The following TLR5 variants were observed in gnomAD, a reference collection of about 807,000 sequenced individuals.
The protein encoded by TLR5 is toll-like receptor 5.
For synonymous variants in TLR5, 373 were observed against 384.4 expected, an observed-to-expected ratio of 0.97 and a Z score of 0.35; for missense variants, 944 against 999.8, an observed-to-expected ratio of 0.94 and a Z score of 0.75.
At chr1:223,125,007 G>A (rs1337426478) in intron 5 of TLR5, among the ~76,000 whole-genome samples, 1 of 152,180 alleles carries the variant, frequency 6.6e-6, no homozygotes, top group Non-Finnish European at 1.5e-5. Flanking sequence ...TGGAGAATGA[G>A]GTAGCTGACT....
chr1:223,122,834 A>G (rs771125293), intron 5 of TLR5, among the ~76,000 whole-genome samples: 11 of 152,288 alleles, frequency 7.2e-5, no homozygotes, highest in Admixed American at 2.0e-4. Flanking sequence ...GGATTTGCTG[A>G]CTTCCTGAGG....
rs752492771 is a variant in TLR5, at chr1:223,111,146, CAACCTTCCGTGGA to C, written c.1873_1885del (p.Ser625ValfsTer7). ...GGACTTTAAGACTTCCTCTTCATCA[CAACCTTCCGTGGA>C]AAGAGAGAAGAGGGAAACCCCAGAG... On this transcript the variant is annotated frameshift_variant, in exon 6 of 6. Coordinates refer to ENST00000642603, the MANE Select transcript of TLR5 (RefSeq NM_003268.6). LOFTEE classifies it low-confidence loss of function (END_TRUNC). 1.9e-6 allele frequency: 3 copies of C among 1,614,180 alleles called. No individual in the cohort carries two copies. The highest frequency in any genetic ancestry group is 2.5e-6 in the Non-Finnish European group (3 of 1,180,026).
At chr1:223,116,025 GT>G (rs1656618300) in intron 5 of TLR5, among the ~76,000 whole-genome samples, 1 of 152,170 alleles carries the variant, frequency 6.6e-6, no homozygotes, top group Non-Finnish European at 1.5e-5. Context: ...TCACATCAGT[GT>G]TTCCCCAGCG....
chr1:223,142,153 G>A (rs1027428695), intron 1 of TLR5, among the ~76,000 whole-genome samples: 9 of 152,122 alleles, frequency 5.9e-5, no homozygotes, highest in African/African-American at 1.9e-4. Context: ...GGAGAAAATT[G>A]ATGAAACCAC....
rs767069440 is a variant in TLR5 at position 223,112,535 on chromosome 1, A to G, written c.497T>C (p.Phe166Ser). The change falls in exon 6 of 6, where the codon TTT (phenylalanine) becomes TCT (serine). Residue 166 changes from phenylalanine (F) to serine (S), a missense_variant. Coordinates refer to ENST00000642603, the MANE Select transcript of TLR5 (RefSeq NM_003268.6). ...GGACTTTAAGGAATTCAACTTCCCA[A>G]ATGAAGGATGAAGGTAAAGGCTACG... is the stretch of plus-strand genomic sequence containing the variant. ...QIRSLYLHPS[F>S]GKLNSLKSID... The G allele has an allele frequency of 1.4e-5, 22 of 1,614,148 alleles. No homozygotes were observed. Among genetic ancestry groups the G allele is most frequent in the African/African-American group, 2.7e-5 (2 of 74,948 alleles).
rs367599952 is a variant in TLR5, at chr1:223,111,155, G to A, written c.1877C>T (p.Thr626Met). 42 of 1,614,042 alleles carry A rather than the reference G, an allele frequency of 2.6e-5. No individual in the cohort carries two copies. Among genetic ancestry groups the A allele is most frequent in the Middle Eastern group, 1.6e-4 (1 of 6,084 alleles). Residue 626 changes from threonine to methionine, a missense_variant, in exon 6 of 6, where the codon ACG becomes ATG. By Grantham distance (81) the Thr-to-Met change is moderately conservative (BLOSUM62 -1). Coordinates refer to ENST00000642603, the MANE Select transcript of TLR5 (RefSeq NM_003268.6). ...GACTTCCTCTTCATCACAACCTTCC[G>A]TGGAAAGAGAGAAGAGGGAAACCCC... is the stretch of plus-strand genomic sequence containing the variant. ...FSGVSLFSLS[T>M]EGCDEEEVLK...
chr1:223,128,854 C>T (rs1236912669), intron 5 of TLR5: 1 of 152,190 alleles, frequency 6.6e-6, no homozygotes, highest in Non-Finnish European at 1.5e-5. Context: ...ACTGTAGCTT[C>T]TTCCTAGCCT....
At chr1:223,133,094 A>G (rs991089515) in intron 4 of TLR5, among the ~76,000 whole-genome samples, 4 of 152,192 alleles carry the variant, frequency 2.6e-5, no homozygotes, top group Admixed American at 2.6e-4. Context: ...TAAGCGGTAC[A>G]TCTAGGTAAA....
In TLR5 at chr1:223,109,927, C is replaced by T. The variant is rs2102853262; in HGVS notation, c.*528G>A. On this transcript the variant is annotated 3_prime_UTR_variant, in exon 6 of 6. Coordinates refer to ENST00000642603, the MANE Select transcript of TLR5 (RefSeq NM_003268.6). ...GGTAGTGACTCATTCATCCCAGCTT[C>T]TTTGGGGCCACCTCTTATCTATGAG... is the stretch of plus-strand genomic sequence containing the variant. 5.9e-6 allele frequency: 1 copy of T among 169,272 alleles called. No homozygotes were observed. The highest frequency in any genetic ancestry group is 1.5e-4 in the South Asian group (1 of 6,770). The allele number at this position is 169,272 out of a possible 1,614,324, so 10.5% of individuals were successfully genotyped here. A position where few individuals can be genotyped will look rare whatever the true frequency, so the allele number is the denominator to read the frequency against.
intron 2 of TLR5, among the ~76,000 whole-genome samples, chr1:223,138,950 C>G (rs955861040): frequency 6.6e-6 from 1 of 152,164 alleles, no homozygotes; most frequent in Non-Finnish European, 1.5e-5. Flanking sequence ...AGGAATAAGT[C>G]TCACGAGATT....
At chr1:223,126,557 A>G (rs1657174795) in intron 5 of TLR5, among the ~76,000 whole-genome samples, 2 of 152,174 alleles carry the variant, frequency 1.3e-5, no homozygotes, top group Non-Finnish European at 2.9e-5. Flanking sequence ...CACTACAAAT[A>G]CCCAAACTGG....
At chr1:223,115,393 A>G (rs1656576367) in intron 5 of TLR5, among the ~76,000 whole-genome samples, 1 of 152,148 alleles carries the variant, frequency 6.6e-6, no homozygotes, top group Non-Finnish European at 1.5e-5. Flanking sequence ...TGGATTAGAA[A>G]TGTGTGCCAG....
At chr1:223,119,828 G>A (rs867413540) in intron 5 of TLR5, among the ~76,000 whole-genome samples, 9 of 150,816 alleles carry the variant, frequency 6.0e-5, no homozygotes, top group Middle Eastern at 3.4e-3. Flanking sequence ...GGGCGGGGTG[G>A]TGGCATCTGT....
chr1:223,135,301 C>G (rs1657564265), intron 3 of TLR5, among the ~76,000 whole-genome samples: 1 of 152,178 alleles, frequency 6.6e-6, no homozygotes, highest in Non-Finnish European at 1.5e-5. Context: ...GCTGGAAGCA[C>G]AGGTCCCCAC....
In TLR5 at chr1:223,110,479, C is replaced by T; in HGVS notation, c.2553G>A (p.Leu851=). ...ATTAGGAGATGGTTGCTACAGTTTG[C>T]AACGGAATGTTATTGTCTTTCTTCT... ...KEKKKDNNIP[L]QTVATIS The change falls in exon 6 of 6, where the codon TTG becomes TTA. Residue 851 remains leucine, a synonymous_variant. Coordinates refer to ENST00000642603, the MANE Select transcript of TLR5 (RefSeq NM_003268.6). 1 of 1,614,120 alleles carries T rather than the reference C, an allele frequency of 6.2e-7. No homozygotes were observed. Among genetic ancestry groups the T allele is most frequent in the Non-Finnish European group, 8.5e-7 (1 of 1,180,012 alleles).
intron 3 of TLR5, among the ~76,000 whole-genome samples, chr1:223,136,313 T>G (rs909009344): frequency 6.6e-6 from 1 of 152,050 alleles, no homozygotes. Flanking sequence ...GTGGACCAGA[T>G]GGGGGAGCAG....
At chr1:223,117,928 A>T (rs546364138) in intron 5 of TLR5, among the ~76,000 whole-genome samples, 67 of 152,394 alleles carry the variant, frequency 4.4e-4, no homozygotes, top group African/African-American at 1.5e-3. Flanking sequence ...GGCACTGGCC[A>T]TCATGAAGTG....
In TLR5 at chr1:223,111,175, A is replaced by T. The variant is rs779315333; in HGVS notation, c.1857T>A (p.Val619=). The T allele has an allele frequency of 3.1e-6, 5 of 1,614,238 alleles. No individual in the cohort carries two copies. Among genetic ancestry groups the T allele is most frequent in the Non-Finnish European group, 4.2e-6 (5 of 1,180,036 alleles). The stretch of plus-strand genomic sequence containing the variant: ...CTTCCGTGGAAAGAGAGAAGAGGGA[A>T]ACCCCAGAGAACGAGTCAGGGTACA... ...YCVYPDSFSG[V]SLFSLSTEGC... Residue 619 remains valine (V), a synonymous_variant, in exon 6 of 6, where the codon GTT becomes GTA. Coordinates refer to ENST00000642603, the MANE Select transcript of TLR5 (RefSeq NM_003268.6).
chr1:223,119,995 A>AATAAAATAAAATAAAATAAAAAAAAT, intron 5 of TLR5, among the ~76,000 whole-genome samples: 1 of 88,928 alleles, frequency 1.1e-5, no homozygotes, highest in Non-Finnish European at 2.2e-5. Flanking sequence ...AATAAAATAA[A>AATAAAATAAAATAAAATAAAAAAAAT]ATAAAATAAA....
Sources: allele counts gnomAD v4.1 joint callset (sites outside exome capture counted in the v4.1 genomes callset), GRCh38; gene constraint gnomAD v4.1.1; transcripts MANE v1.5; gene names NCBI Gene and HGNC (gene_info 2026-07-23, HGNC 2026-07-21).